The following LILRA2 variants were observed in gnomAD, a reference collection of about 807,000 sequenced individuals.
LILRA2 encodes the protein leukocyte immunoglobulin like receptor A2, also known as leukocyte immunoglobulin-like receptor subfamily A member 2.
LILRA2 carries 45 observed loss-of-function variants against 47.9 expected under a neutral mutation model. That is an observed-to-expected ratio of 0.94 (90% CI 0.74 to 1.20). LILRA2 has a LOEUF of 1.20. Among genes scored for constraint, LILRA2 ranks in the 50% most tolerant of loss-of-function variants. The pLI is 0.00. For missense variants in LILRA2, 651 were observed against 598.2 expected, an observed-to-expected ratio of 1.09 and a Z score of -0.92; for synonymous variants, 279 against 249.2, an observed-to-expected ratio of 1.12 and a Z score of -1.13.
Position 54,575,806 on chromosome 19 carries a change from G to T in LILRA2, c.953-1G>T. ...CCCTCACCCATCCTTCTTCTCTCTA[G>T]GACAGTTCTATGACAGACCCTCTCT... On this transcript the variant is annotated splice_acceptor_variant, in intron 5 of 7. Transcript: ENST00000391738. LOFTEE classifies it high-confidence loss of function. 6.2e-7 allele frequency: 1 copy of T among 1,613,454 alleles called. No individual in the cohort carries two copies. Among genetic ancestry groups the T allele is most frequent in the Non-Finnish European group, 8.5e-7 (1 of 1,179,742 alleles).
chr19:54,574,634 G>C (rs1386564481), intron 3 of LILRA2, 52 bp downstream of exon 3: 1 of 1,606,020 alleles, frequency 6.2e-7, no homozygotes, highest in East Asian at 2.2e-5. Flanking sequence ...CAGGAAGGGG[G>C]TCGGCTCTCA....
In LILRA2 at chr19:54,573,828, C is replaced by G; in HGVS notation, c.-51C>G. The G allele has an allele frequency of 6.2e-7, 1 of 1,613,898 alleles. No homozygotes were observed. The highest frequency in any genetic ancestry group is 8.5e-7 in the Non-Finnish European group (1 of 1,179,896). On this transcript the variant is annotated 5_prime_UTR_variant, in exon 1 of 8. Transcript: ENST00000391738. ...CACCCTGTGCGTCTCTCTGTCCTGC[C>G]AGCACTGAGGGCTCATCCATCCGCA...
At chr19:54,586,942 A>T (rs2062827792) in intron 6 of LILRA2, 68 bp from the exon 7 acceptor site, 1 of 1,173,324 alleles carries the variant, frequency 8.5e-7, no homozygotes. Context: ...GACACAGGGG[A>T]AAAGAAGAAT....
intron 7 of LILRA2, 44 bp downstream of exon 7, chr19:54,587,104 T>C: frequency 6.2e-7 from 1 of 1,611,384 alleles, no homozygotes; most frequent in Non-Finnish European, 8.5e-7. Context: ...GCACAGAGGG[T>C]CAGGTCCTGT....
In LILRA2 at chr19:54,579,690, C is replaced by T. The variant is rs142220167; in HGVS notation, c.1255+3581C>T. Among the ~76,000 whole-genome samples, 949 of 152,086 alleles carry T rather than the reference C, an allele frequency of 6.2e-3. 8 individuals are homozygous for T. The highest frequency in any genetic ancestry group is 0.022 in the African/African-American group (902 of 41,480). On this transcript the variant is annotated intron_variant, in intron 6 of 7. Transcript: ENST00000391738. ...TGGGGATAGCATTGAATCTATAAATCCCTTTGGGCAGTGTGGCCATTTTCA... is the reference window on the plus strand; with the variant it reads ...TGGGGATAGCATTGAATCTATAAATTCCTTTGGGCAGTGTGGCCATTTTCA...
rs117710270 is a variant in LILRA2 at position 54,589,636 on chromosome 19, A to C, written c.*2290A>C. The C allele has an allele frequency of 6.9e-3, 1,055 of 152,346 alleles. 2 individuals carry two copies. Among genetic ancestry groups the C allele is most frequent in the Non-Finnish European group, 8.5e-3 (578 of 68,028 alleles). 9.4% of individuals were successfully genotyped at this position (152,346 alleles called of 1,614,324 possible). On this transcript the variant is annotated 3_prime_UTR_variant, in exon 8 of 8. Transcript: ENST00000391738. Reference sequence around the variant, plus strand: ...CCAGTATCATAAATCAAAAGGCTTAAAATTAGTTATCTCCCTCTAGGGAAC... The same window carrying C: ...CCAGTATCATAAATCAAAAGGCTTACAATTAGTTATCTCCCTCTAGGGAAC...
intron 6 of LILRA2, among the ~76,000 whole-genome samples, chr19:54,578,918 C>A (rs890769513): frequency 6.6e-6 from 1 of 151,172 alleles, no homozygotes; most frequent in East Asian, 1.9e-4. Flanking sequence ...GCATAAATGT[C>A]TTCTCTTGAG....
chr19:54,574,008 G>A lies in LILRA2; in HGVS notation c.35-68G>A, dbSNP rs539664578. On this transcript the variant is annotated intron_variant, in intron 1 of 7. Transcript: ENST00000391738. Reference sequence around the variant, plus strand: ...TAAGGAGACCCCAGGGGCTCACAAAGATCCCAGGGAGGGGAGGACCTGCCC... The same window carrying A: ...TAAGGAGACCCCAGGGGCTCACAAAAATCCCAGGGAGGGGAGGACCTGCCC... 4.8e-5 allele frequency: 78 copies of A among 1,613,458 alleles called. No homozygotes were observed. The African/African-American group carries it at 1.0e-3, about 21-fold the overall frequency.
chr19:54,577,968 C>T (rs927705011), intron 6 of LILRA2, among the ~76,000 whole-genome samples: 1 of 151,930 alleles, frequency 6.6e-6, no homozygotes, highest in African/African-American at 2.4e-5. Flanking sequence ...TTAATATCAA[C>T]TCTTCCTCCT....
chr19:54,574,115 A>T lies in LILRA2; in HGVS notation c.70+4A>T, dbSNP rs564270484. On this transcript the variant is annotated splice_donor_region_variant and intron_variant, in intron 2 of 7. Coordinates refer to ENST00000391738, the MANE Select transcript of LILRA2 (RefSeq NM_001130917.3). ...CCCAGGACCCACGTGCAGGCAGGTG[A>T]GTCTGTTCCCAGCTGTCCCAGGTCC... The T allele has an allele frequency of 6.2e-7, 1 of 1,614,226 alleles. No individual in the cohort carries two copies. Among genetic ancestry groups the T allele is most frequent in the African/African-American group, 1.3e-5 (1 of 75,074 alleles).
In LILRA2 at chr19:54,573,850, C is replaced by T. The variant is rs182729943; in HGVS notation, c.-29C>T. ...TGCCAGCACTGAGGGCTCATCCATC[C>T]GCAGAGCAGGGCAGTGGGAGGAGAC... is the stretch of plus-strand genomic sequence containing the variant. On this transcript the variant is annotated 5_prime_UTR_variant, in exon 1 of 8. Transcript: ENST00000391738. The T allele has an allele frequency of 1.8e-3, 2,825 of 1,614,120 alleles. 5 individuals are homozygous for T. Among genetic ancestry groups the T allele is most frequent in the Non-Finnish European group, 1.5e-3 (1,813 of 1,179,988 alleles).
rs1340568251 is a variant in LILRA2 at position 54,590,207 on chromosome 19, CATTA to C, written c.*2866_*2869del. On this transcript the variant is annotated 3_prime_UTR_variant, in exon 8 of 8. Coordinates refer to ENST00000391738, the MANE Select transcript of LILRA2 (RefSeq NM_001130917.3). ...CTCTTCTCACTCTATTCTTTGTGTG[CATTA>C]ATTATCTTTTCTATTTTTTTCATTT... 1 of 152,040 alleles carries C rather than the reference CATTA, an allele frequency of 6.6e-6. No homozygotes were observed. Among genetic ancestry groups the C allele is most frequent in the African/African-American group, 2.4e-5 (1 of 41,350 alleles). 9.4% of individuals were successfully genotyped at this position (152,040 alleles called of 1,614,324 possible).
At chr19:54,574,681 G>A (rs765299478) in intron 3 of LILRA2, 50 bp from the exon 4 acceptor site, 2 of 1,602,552 alleles carry the variant, frequency 1.2e-6, no homozygotes, top group Non-Finnish European at 1.7e-6. Flanking sequence ...CCCTGGGGAT[G>A]ATGTGGGAGG....
chr19:54,577,636 C>T (rs1468481506), intron 6 of LILRA2: 2 of 1,289,638 alleles, frequency 1.6e-6, no homozygotes, highest in Non-Finnish European at 2.0e-6. Context: ...GCTCACACTG[C>T]CCCTCCTGTG....
At position 54,574,458 on chromosome 19, in the gene LILRA2, T is replaced by G. The variant is rs61739166; in HGVS notation, c.228T>G (p.Pro76=). The G allele has an allele frequency of 0.046, 74,868 of 1,614,028 alleles. 1,904 individuals are homozygous for G. Among genetic ancestry groups the G allele is most frequent in the South Asian group, 0.058 (5,305 of 91,082 alleles). Residue 76 remains proline, a synonymous_variant, in exon 3 of 8, where the codon CCT becomes CCG. Transcript: ENST00000391738. ...CCTGGGTTAGACGGATACAAGAGCC[T>G]GGGAAGAATGGCCAGTTCCCCATCC... is the stretch of plus-strand genomic sequence containing the variant. The part of the protein sequence containing the change: ...SASWVRRIQE[P]GKNGQFPIPS...
intron 6 of LILRA2, chr19:54,577,607 C>G (rs1035291568): frequency 4.7e-6 from 6 of 1,289,572 alleles, no homozygotes; most frequent in African/African-American, 1.5e-5. Context: ...TAGAGAGAAG[C>G]ACCCCAGCTG....
At chr19:54,583,028 T>C (rs920059459) in intron 6 of LILRA2, among the ~76,000 whole-genome samples, 3 of 152,240 alleles carry the variant, frequency 2.0e-5, no homozygotes, top group African/African-American at 7.2e-5. Context: ...CTTCATTTCA[T>C]TATTTACCCA....
At position 54,577,895 on chromosome 19, in the gene LILRA2, T is replaced by G. The variant is rs1315903062; in HGVS notation, c.1255+1786T>G. 1.3e-3 allele frequency among the ~76,000 whole-genome samples: 192 copies of G among 151,550 alleles called. No individual in the cohort carries two copies. In the South Asian group the frequency reaches 0.028, roughly 22 times the overall value. On this transcript the variant is annotated intron_variant, in intron 6 of 7. Transcript: ENST00000391738. ...CATATATTATTTAAAAATCCTTATTTATACTCCCCTTTAATTGAGTCTTGA... is the reference window on the plus strand; with the variant it reads ...CATATATTATTTAAAAATCCTTATTGATACTCCCCTTTAATTGAGTCTTGA...
At position 54,587,488 on chromosome 19, in the gene LILRA2, T is replaced by C; in HGVS notation, c.*142T>C. 2.3e-6 allele frequency: 3 copies of C among 1,333,104 alleles called. No homozygotes were observed. Among genetic ancestry groups the C allele is most frequent in the South Asian group, 1.5e-5 (1 of 67,356 alleles). The allele number at this position is 1,333,104 out of a possible 1,614,324, so 82.6% of individuals were successfully genotyped here. ...CATTTCTAGAGACAGCAATCAATAT[T>C]TGAGTGTAAGGAAACTGTCTGGGGT... On this transcript the variant is annotated 3_prime_UTR_variant, in exon 8 of 8. Coordinates refer to ENST00000391738, the MANE Select transcript of LILRA2 (RefSeq NM_001130917.3).
Sources: gnomAD v4.1 joint callset for allele counts (sites outside exome capture counted in the v4.1 genomes callset) on GRCh38, gnomAD v4.1.1 for gene constraint, MANE v1.5 for transcripts, NCBI Gene and HGNC (gene_info 2026-07-23, HGNC 2026-07-21) for gene names.